UPP2: variants seen among roughly 807,000 people sequenced by gnomAD.
UPP2 encodes UPase 2.
A neutral mutation model predicts 26.7 loss-of-function variants in UPP2; 23 were observed. That is an observed-to-expected ratio of 0.86 (90% CI 0.62 to 1.22). The LOEUF is 1.22. Ranked by LOEUF, UPP2 falls within the 50% of genes most tolerant of loss-of-function variation. UPP2 has a pLI of 0.00. For synonymous variants in UPP2, 127 were observed against 141.3 expected, an observed-to-expected ratio of 0.90 and a Z score of 0.72; for missense variants, 387 against 396.7, an observed-to-expected ratio of 0.98 and a Z score of 0.21.
upstream of UPP2, among the ~76,000 whole-genome samples, chr2:158,097,723 C>T (rs535714007): frequency 1.2e-4 from 19 of 152,282 alleles, no homozygotes; most frequent in African/African-American, 4.6e-4. Context: ...GCTGCCACCC[C>T]TCTGCCTGGC....
chr2:158,034,815 T>C (rs899287479), intron 3 of UPP2, among the ~76,000 whole-genome samples: 1 of 152,180 alleles, frequency 6.6e-6, no homozygotes, highest in Non-Finnish European at 1.5e-5. Context: ...AGATTCTCCT[T>C]CAAATTGAAT....
At chr2:158,108,493 T>C (rs1343137862) in intron 2 of UPP2, among the ~76,000 whole-genome samples, 2 of 152,126 alleles carry the variant, frequency 1.3e-5, no homozygotes, top group African/African-American at 4.8e-5. Context: ...TTAGTACTTT[T>C]TAGTACTCCA....
At chr2:158,080,774 G>A (rs1329272048) in intron 3 of UPP2, among the ~76,000 whole-genome samples, 1 of 152,088 alleles carries the variant, frequency 6.6e-6, no homozygotes, top group East Asian at 1.9e-4. Flanking sequence ...ATTAGTGTGG[G>A]AATGAAGAAG....
chr2:157,999,618 G>GT (rs1683375137), intron 2 of UPP2, among the ~76,000 whole-genome samples: 2 of 152,190 alleles, frequency 1.3e-5, no homozygotes, highest in South Asian at 4.2e-4. Context: ...ACATAATAAC[G>GT]TTTTGGCCAA....
At chr2:158,009,809 T>A (rs545494828) in intron 2 of UPP2, among the ~76,000 whole-genome samples, 2 of 152,352 alleles carry the variant, frequency 1.3e-5, no homozygotes, top group South Asian at 4.1e-4. Context: ...CTGCCTTCTG[T>A]GGTCATCTTG....
intron 4 of UPP2, among the ~76,000 whole-genome samples, chr2:158,120,711 C>T (rs141364297): frequency 6.6e-6 from 1 of 151,944 alleles, no homozygotes; most frequent in East Asian, 1.9e-4. Context: ...ATCTGTGTTG[C>T]CTTTTAATTT....
At chr2:158,078,964 C>G (rs1033233339) in intron 3 of UPP2, among the ~76,000 whole-genome samples, 1 of 152,020 alleles carries the variant, frequency 6.6e-6, no homozygotes, top group African/African-American at 2.4e-5. Flanking sequence ...AAAAGTGGGA[C>G]CAGGTGGTGA....
intron 3 of UPP2, among the ~76,000 whole-genome samples, chr2:158,039,713 C>T (rs181150113): frequency 6.6e-6 from 1 of 152,326 alleles, no homozygotes; most frequent in East Asian, 1.9e-4. Flanking sequence ...AGACCCCACT[C>T]CAAATCTGTT....
intron 3 of UPP2, among the ~76,000 whole-genome samples, chr2:158,049,974 C>T (rs1192147325): frequency 6.6e-6 from 1 of 152,140 alleles, no homozygotes; most frequent in Non-Finnish European, 1.5e-5. Flanking sequence ...TAAAAATCCC[C>T]TTGAATTTAA....
At chr2:158,065,384 G>C (rs6705270) in intron 3 of UPP2, among the ~76,000 whole-genome samples, 2,091 of 152,262 alleles carry the variant, frequency 0.014, 48 homozygotes, top group African/African-American at 0.048. Flanking sequence ...TTCTTGTTAG[G>C]AGGTTCATTT....
At chr2:158,123,515 C>A (rs1276547982) in intron 5 of UPP2, among the ~76,000 whole-genome samples, 3 of 152,224 alleles carry the variant, frequency 2.0e-5, no homozygotes, top group Non-Finnish European at 4.4e-5. Flanking sequence ...GACCCCAGAA[C>A]TGAGGTCCTC....
chr2:158,121,312 T>C, intron 4 of UPP2, 97 bp from the exon 5 acceptor site: 1 of 1,058,966 alleles, frequency 9.4e-7, no homozygotes, highest in Middle Eastern at 2.1e-4. Context: ...GGAGACTCAT[T>C]AGCAGCTAGC....
intron 3 of UPP2, among the ~76,000 whole-genome samples, chr2:158,074,969 T>C (rs376487195): frequency 3.0e-4 from 45 of 150,654 alleles, no homozygotes; most frequent in African/African-American, 1.1e-3. Flanking sequence ...AGAGCAGGAG[T>C]GGCAATACTT....
intron 3 of UPP2, among the ~76,000 whole-genome samples, chr2:158,078,438 T>C (rs1049909243): frequency 6.6e-6 from 1 of 152,054 alleles, no homozygotes; most frequent in Non-Finnish European, 1.5e-5. Flanking sequence ...CACAATGGAG[T>C]ACTATTTAGC....
intron 1 of UPP2, among the ~76,000 whole-genome samples, chr2:158,103,545 G>C (rs1305678564): frequency 5.9e-5 from 9 of 152,158 alleles, no homozygotes; most frequent in African/African-American, 2.2e-4. Flanking sequence ...CTAGGGTAGA[G>C]CAATGAGACT....
chr2:158,046,230 A>T (rs1035311513), intron 3 of UPP2, among the ~76,000 whole-genome samples: 2 of 152,212 alleles, frequency 1.3e-5, no homozygotes, highest in African/African-American at 4.8e-5. Flanking sequence ...TTGTCTGCAT[A>T]GTGGAATTGT....
chr2:158,123,256 G>T (rs534907879), intron 5 of UPP2, among the ~76,000 whole-genome samples: 1 of 152,180 alleles, frequency 6.6e-6, no homozygotes, highest in African/African-American at 2.4e-5. Flanking sequence ...AGAAGTGTGC[G>T]GAAAGGGGGA....
intron 3 of UPP2, among the ~76,000 whole-genome samples, chr2:158,070,607 G>T (rs1354879370): frequency 6.6e-6 from 1 of 152,170 alleles, no homozygotes; most frequent in African/African-American, 2.4e-5. Context: ...GTTTATGGGG[G>T]GCGGAGCAAG....
At chr2:158,096,269 A>G (rs1466675431) in intron 3 of UPP2, among the ~76,000 whole-genome samples, 2 of 152,230 alleles carry the variant, frequency 1.3e-5, no homozygotes, top group Non-Finnish European at 2.9e-5. Context: ...GTTGCCAGAA[A>G]AAACAGGCTG....
Sources: allele counts gnomAD v4.1 joint callset (sites outside exome capture counted in the v4.1 genomes callset), GRCh38; gene constraint gnomAD v4.1.1; transcripts MANE v1.5; gene names NCBI Gene and HGNC (gene_info 2026-07-23, HGNC 2026-07-21).